Variants in COL4A2 observed in about 807,000 individuals in gnomAD.
The protein encoded by COL4A2 is collagen alpha-2(IV) chain.
COL4A2 carries 99 observed loss-of-function variants against 200.2 expected under a neutral mutation model. That is an observed-to-expected ratio of 0.49 (90% CI 0.42 to 0.58). The LOEUF (loss-of-function observed/expected upper bound fraction) is 0.58. Ranked by LOEUF, COL4A2 falls within the 20% of genes least tolerant of loss-of-function variation. The probability of loss-of-function intolerance (pLI) is 0.00; values close to 1 mark genes in which losing one functional copy is unlikely to be tolerated. For missense variants in COL4A2, 1,950 were observed against 2,314.1 expected, an observed-to-expected ratio of 0.84 and a Z score of 3.23; for synonymous variants, 897 against 900.6, an observed-to-expected ratio of 1.00 and a Z score of 0.07.
At chr13:110,461,956 G>T in intron 22 of COL4A2, 158 bp from the exon 23 acceptor site, 11 of 1,034,112 alleles carry the variant, frequency 1.1e-5, no homozygotes, top group Non-Finnish European at 1.5e-5. Flanking sequence ...CTGGATGGGG[G>T]CGTATCCAGC....
At chr13:110,317,145 TAC>T (rs981499332) in intron 3 of COL4A2, among the ~76,000 whole-genome samples, 24 of 118,804 alleles carry the variant, frequency 2.0e-4, no homozygotes, top group African/African-American at 7.3e-4. Context: ...CACACACACA[TAC>T]AGACACACAG....
Position 110,429,919 on chromosome 13 carries a change from C to T in COL4A2, c.512C>T (p.Pro171Leu), listed in dbSNP as rs1347164251. The change falls in exon 8 of 48, where the codon CCT (proline) becomes CTT (leucine). Residue 171 changes from proline to leucine, a missense_variant. Transcript: ENST00000360467. ...PQGPKGQKGEPYALPKEERDR... is the reference protein window; with the variant it reads ...PQGPKGQKGELYALPKEERDR... ...GGACCAAAAGGGCAGAAAGGTGAGC[C>T]TTATGCACTGCCTAAAGAGGAGCGC... is the stretch of plus-strand genomic sequence containing the variant. The T allele has an allele frequency of 1.9e-6, 3 of 1,612,228 alleles. No homozygotes were observed. The highest frequency in any genetic ancestry group is 1.7e-6 in the Non-Finnish European group (2 of 1,179,442).
At chr13:110,363,142 C>G (rs1877589043) in intron 4 of COL4A2, among the ~76,000 whole-genome samples, 1 of 152,228 alleles carries the variant, frequency 6.6e-6, no homozygotes, top group South Asian at 2.1e-4. Context: ...GAACCCACGT[C>G]ATCAGCCCCT....
At chr13:110,437,705 T>C (rs1880947730) in intron 13 of COL4A2, among the ~76,000 whole-genome samples, 1 of 152,186 alleles carries the variant, frequency 6.6e-6, no homozygotes. Context: ...GATGTAAACA[T>C]CTGCCTGGAA....
chr13:110,323,386 C>T (rs1000868840), intron 3 of COL4A2, among the ~76,000 whole-genome samples: 1 of 152,194 alleles, frequency 6.6e-6, no homozygotes, highest in East Asian at 1.9e-4. Flanking sequence ...TGTCAGGCAT[C>T]GGGATGAGGG....
intron 45 of COL4A2, 101 bp downstream of exon 45, chr13:110,504,365 C>A: frequency 1.0e-6 from 1 of 991,696 alleles, no homozygotes; most frequent in Non-Finnish European, 1.6e-6. Context: ...CCCAGAAAAG[C>A]CAGAAATGAG....
chr13:110,326,545 T>A (rs146280241), intron 3 of COL4A2, among the ~76,000 whole-genome samples: 1 of 152,242 alleles, frequency 6.6e-6, no homozygotes, highest in Non-Finnish European at 1.5e-5. Context: ...GCCCCAGGAA[T>A]TGTGGAAACA....
At chr13:110,342,840 C>G (rs1263588871) in intron 3 of COL4A2, among the ~76,000 whole-genome samples, 1 of 152,158 alleles carries the variant, frequency 6.6e-6, no homozygotes, top group African/African-American at 2.4e-5. Context: ...GGCAAAGGCA[C>G]AAGACAGCAT....
chr13:110,468,476 A>G, intron 27 of COL4A2: 2 of 374,166 alleles, frequency 5.3e-6, no homozygotes, highest in Non-Finnish European at 1.1e-5. Context: ...TCTCCGGGAA[A>G]GCTCCAGTGA....
At chr13:110,504,065 T>C in intron 44 of COL4A2, 72 bp downstream of exon 44, 1 of 1,564,410 alleles carries the variant, frequency 6.4e-7, no homozygotes, top group Non-Finnish European at 8.8e-7. Flanking sequence ...TGGCATTGCG[T>C]CCTCTTGTGT....
chr13:110,437,912 C>T (rs1594213638), intron 13 of COL4A2, 90 bp from the exon 14 acceptor site: 1 of 1,047,366 alleles, frequency 9.5e-7, no homozygotes, highest in South Asian at 1.3e-5. Flanking sequence ...TGATTCAGTA[C>T]TTTCAGCTCA....
At chr13:110,489,323 G>A (rs1383642847) in intron 34 of COL4A2, 122 bp from the exon 35 acceptor site, 22 of 948,998 alleles carry the variant, frequency 2.3e-5, no homozygotes, top group African/African-American at 6.5e-5. Flanking sequence ...TCCACAAAAT[G>A]ACAAGATCAC....
chr13:110,361,266 A>G (rs1346570402), intron 4 of COL4A2, among the ~76,000 whole-genome samples: 1 of 152,256 alleles, frequency 6.6e-6, no homozygotes, highest in Non-Finnish European at 1.5e-5. Flanking sequence ...TTGCAGAAGC[A>G]TTGCTCTGTC....
chr13:110,334,419 A>G (rs1199195908), intron 3 of COL4A2, among the ~76,000 whole-genome samples: 1 of 152,228 alleles, frequency 6.6e-6, no homozygotes, highest in Non-Finnish European at 1.5e-5. Context: ...AGATGAGACC[A>G]CAGAGCAGCC....
At chr13:110,360,785 A>G (rs543936347) in intron 4 of COL4A2, among the ~76,000 whole-genome samples, 24 of 139,060 alleles carry the variant, frequency 1.7e-4, no homozygotes, top group African/African-American at 6.2e-4. Context: ...GGCAAACGAT[A>G]CCCGCCCCCC....
In COL4A2 at chr13:110,428,522, G is replaced by A. The variant is rs748583996; in HGVS notation, c.416G>A (p.Gly139Glu). The A allele has an allele frequency of 1.3e-6, 2 of 1,585,750 alleles. No homozygotes were observed. Among genetic ancestry groups the A allele is most frequent in the Admixed American group, 3.7e-5 (2 of 53,386 alleles). The change falls in exon 7 of 48, where the codon GGA (glycine) becomes GAA (glutamate). Residue 139 changes from glycine (G) to glutamate (E), a missense_variant. Gly to Glu is a moderately conservative substitution (Grantham distance 98). Around this residue, in one of 2 missense-constraint regions of COL4A2, gnomAD observed 565 missense variants for 593.5 expected, o/e 0.95. Transcript: ENST00000360467. Reference protein sequence around the residue: ...RGRPGYDGCNGTQGDSGPQGP... With the variant: ...RGRPGYDGCNETQGDSGPQGP... ...AGGCCGGGCTACGATGGCTGCAACGGAACCCAGGGAGACTCAGGTCCACAG... is the reference window on the plus strand; with the variant it reads ...AGGCCGGGCTACGATGGCTGCAACGAAACCCAGGGAGACTCAGGTCCACAG...
intron 39 of COL4A2, among the ~76,000 whole-genome samples, chr13:110,494,597 G>T (rs982796750): frequency 5.9e-5 from 9 of 151,726 alleles, no homozygotes; most frequent in Admixed American, 3.3e-4. Flanking sequence ...CATTTAACTC[G>T]GGAGGCTGAG....
At chr13:110,470,251 A>G (rs912281568) in intron 28 of COL4A2, among the ~76,000 whole-genome samples, 4 of 152,116 alleles carry the variant, frequency 2.6e-5, no homozygotes, top group African/African-American at 7.2e-5. Flanking sequence ...TAATGAAACC[A>G]TGGAAGCCAT....
intron 20 of COL4A2, among the ~76,000 whole-genome samples, chr13:110,450,676 G>A (rs1290631422): frequency 6.6e-6 from 1 of 152,212 alleles, no homozygotes; most frequent in Non-Finnish European, 1.5e-5. Context: ...AAGCCTGTGA[G>A]TATCACAGCC....
Sources: allele counts gnomAD v4.1 joint callset (sites outside exome capture counted in the v4.1 genomes callset), GRCh38; gene constraint gnomAD v4.1.1; regional missense constraint gnomAD v4.1.1; transcripts MANE v1.5; gene names NCBI Gene and HGNC (gene_info 2026-07-23, HGNC 2026-07-21).